Variants in LPCAT2 observed in about 807,000 individuals in gnomAD.
LPCAT2 encodes the protein 1-AGP acyltransferase 11.
A neutral mutation model predicts 64.7 loss-of-function variants in LPCAT2; 58 were observed. That is an observed-to-expected ratio of 0.90 (90% confidence interval 0.73 to 1.12). LPCAT2 has a LOEUF of 1.12. Ranked by LOEUF, LPCAT2 falls within the 50% of genes most tolerant of loss-of-function variation. The probability of loss-of-function intolerance (pLI) is 0.00; values close to 1 mark genes in which losing one functional copy is unlikely to be tolerated. For synonymous variants in LPCAT2, 252 were observed against 245.3 expected, an observed-to-expected ratio of 1.03 and a Z score of -0.26; for missense variants, 579 against 669.8, an observed-to-expected ratio of 0.86 and a Z score of 1.50.
At chr16:55,545,602 C>T in intron 8 of LPCAT2, 133 bp from the exon 9 acceptor site, 1 of 607,516 alleles carries the variant, frequency 1.6e-6, no homozygotes, top group Non-Finnish European at 2.9e-6. Flanking sequence ...AGCCCAGTGC[C>T]CCATTACCTC....
chr16:55,572,779 G>A (rs1223487395), intron 11 of LPCAT2, among the ~76,000 whole-genome samples: 2 of 152,144 alleles, frequency 1.3e-5, no homozygotes, highest in Non-Finnish European at 2.9e-5. Flanking sequence ...TTATGGTCAT[G>A]CCTATGGATA....
At chr16:55,573,936 T>C (rs79752634) in intron 11 of LPCAT2, among the ~76,000 whole-genome samples, 2 of 152,286 alleles carry the variant, frequency 1.3e-5, no homozygotes, top group East Asian at 3.9e-4. Flanking sequence ...CAGGGAAAAC[T>C]CTGTATTTAG....
intron 11 of LPCAT2, among the ~76,000 whole-genome samples, chr16:55,565,918 G>T (rs1384823837): frequency 6.6e-6 from 1 of 152,134 alleles, no homozygotes; most frequent in Non-Finnish European, 1.5e-5. Flanking sequence ...AGGAATAAAT[G>T]AAAGAGTCTG....
chr16:55,553,940 G>A (rs988385182), intron 11 of LPCAT2, among the ~76,000 whole-genome samples: 3 of 152,116 alleles, frequency 2.0e-5, no homozygotes, highest in Admixed American at 1.3e-4. Flanking sequence ...AGAGCTCTTG[G>A]GTAACTAGGT....
At chr16:55,521,165 A>T (rs572677834) in intron 1 of LPCAT2, among the ~76,000 whole-genome samples, 1 of 151,842 alleles carries the variant, frequency 6.6e-6, no homozygotes, top group Non-Finnish European at 1.5e-5. Context: ...GAAACAGCAT[A>T]TATCATTATA....
chr16:55,579,002 G>A, intron 12 of LPCAT2, 107 bp from the exon 13 acceptor site: 1 of 988,788 alleles, frequency 1.0e-6, no homozygotes, highest in East Asian at 2.4e-5. Flanking sequence ...CATATTTCTA[G>A]CCCTTGCCAC....
intron 11 of LPCAT2, 68 bp downstream of exon 11, chr16:55,551,170 G>C: frequency 7.1e-7 from 1 of 1,401,004 alleles, no homozygotes; most frequent in Middle Eastern, 2.3e-4. Flanking sequence ...CAATATGGTA[G>C]GCAATTTGAA....
intron 11 of LPCAT2, among the ~76,000 whole-genome samples, chr16:55,561,785 T>C (rs757724973): frequency 6.6e-6 from 1 of 152,020 alleles, no homozygotes; most frequent in Non-Finnish European, 1.5e-5. Flanking sequence ...GAGAGTTCTT[T>C]TGTGATACTT....
At chr16:55,534,231 T>C (rs1355228876) in intron 6 of LPCAT2, among the ~76,000 whole-genome samples, 2 of 152,156 alleles carry the variant, frequency 1.3e-5, no homozygotes, top group African/African-American at 4.8e-5. Flanking sequence ...CAAAAGTTGT[T>C]GACATTAGGA....
intron 11 of LPCAT2, among the ~76,000 whole-genome samples, chr16:55,573,835 A>ATCTC (rs570533394): frequency 6.7e-6 from 1 of 149,760 alleles, no homozygotes; most frequent in Non-Finnish European, 1.5e-5. Context: ...TTTCTACCTT[A>ATCTC]TCTCTCTCTC....
intron 1 of LPCAT2, among the ~76,000 whole-genome samples, chr16:55,518,584 A>G (rs1366550946): frequency 1.3e-5 from 2 of 152,246 alleles, no homozygotes; most frequent in East Asian, 1.9e-4. Flanking sequence ...AGACAGACAT[A>G]TAGATCAATG....
intron 1 of LPCAT2, among the ~76,000 whole-genome samples, chr16:55,521,777 A>C (rs893152718): frequency 1.3e-5 from 2 of 151,678 alleles, no homozygotes; most frequent in Non-Finnish European, 3.0e-5. Flanking sequence ...TCATTAACTC[A>C]CCTGACAAAA....
At chr16:55,551,964 G>C (rs1963522929) in intron 11 of LPCAT2, among the ~76,000 whole-genome samples, 1 of 151,984 alleles carries the variant, frequency 6.6e-6, no homozygotes, top group Admixed American at 6.6e-5. Context: ...AAAATTGATA[G>C]TAAAATGCAC....
Position 55,551,092 on chromosome 16 carries a change from T to G in LPCAT2, c.1205T>G (p.Leu402Arg). 6.2e-7 allele frequency: 1 copy of G among 1,609,496 alleles called. No individual in the cohort carries two copies. The highest frequency in any genetic ancestry group is 1.3e-5 in the African/African-American group (1 of 74,960). Residue 402 changes from leucine to arginine, a missense_variant, in exon 11 of 14, where the codon CTC becomes CGC. Transcript: ENST00000262134. ...VSDVLRQLFA[L>R]FDRNHDGSID... ...GATGTCTTGAGACAACTTTTTGCACTCTTTGACAGGGTATGTTAAAATTTA... is the reference window on the plus strand; with the variant it reads ...GATGTCTTGAGACAACTTTTTGCACGCTTTGACAGGGTATGTTAAAATTTA...
intron 11 of LPCAT2, among the ~76,000 whole-genome samples, chr16:55,556,560 G>A (rs1963577644): frequency 6.6e-6 from 1 of 152,104 alleles, no homozygotes; most frequent in Non-Finnish European, 1.5e-5. Context: ...GGCAGATCAC[G>A]AGGTCAGGAG....
chr16:55,546,313 A>G (rs113542732), intron 9 of LPCAT2, among the ~76,000 whole-genome samples: 17 of 152,344 alleles, frequency 1.1e-4, no homozygotes, highest in African/African-American at 4.1e-4. Flanking sequence ...TTTCCTGCAC[A>G]TAAGGGAGTT....
chr16:55,572,166 G>A (rs1963777455), intron 11 of LPCAT2, among the ~76,000 whole-genome samples: 1 of 152,102 alleles, frequency 6.6e-6, no homozygotes, highest in Admixed American at 6.5e-5. Flanking sequence ...ACCTTGTTCT[G>A]TGACTAGTGG....
Position 55,552,207 on chromosome 16 carries a change from T to C in LPCAT2, c.1215+1105T>C, listed in dbSNP as rs1056307050. 5.3e-5 allele frequency among the ~76,000 whole-genome samples: 8 copies of C among 152,346 alleles called. No individual in the cohort carries two copies. In the South Asian group the frequency reaches 1.4e-3, roughly 28 times the overall value. The stretch of plus-strand genomic sequence containing the variant: ...ATGGAATCATACAGTATATAGTTTT[T>C]TGAGTATGGCTTCTTTCACCAAGTA... On this transcript the variant is annotated intron_variant, in intron 11 of 13. Coordinates refer to ENST00000262134, the MANE Select transcript of LPCAT2 (RefSeq NM_017839.5).
intron 11 of LPCAT2, among the ~76,000 whole-genome samples, chr16:55,574,161 T>C (rs981282120): frequency 6.6e-6 from 1 of 152,190 alleles, no homozygotes; most frequent in South Asian, 2.1e-4. Flanking sequence ...AAAATGTAGC[T>C]GTGATTATTG....
Sources: allele counts gnomAD v4.1 joint callset (sites outside exome capture counted in the v4.1 genomes callset), GRCh38; gene constraint gnomAD v4.1.1; transcripts MANE v1.5; gene names NCBI Gene and HGNC (gene_info 2026-07-23, HGNC 2026-07-21).